Variants in AP1S3 observed in about 807,000 individuals in gnomAD.
The protein encoded by AP1S3 is AP-1 complex subunit sigma-3.
A neutral mutation model predicts 20.9 loss-of-function variants in AP1S3; 10 were observed. The observed-to-expected ratio is 0.48, with a 90% CI of 0.29 to 0.81. The LOEUF is 0.81. AP1S3 is among the 30% of genes least tolerant of loss of function. AP1S3 has a pLI of 0.08. For missense variants in AP1S3, 154 were observed against 183.8 expected, an observed-to-expected ratio of 0.84 and a Z score of 0.94; for synonymous variants, 41 against 61.5, an observed-to-expected ratio of 0.67 and a Z score of 1.56.
chr2:223,836,146 C>T (rs1331277146), intron 1 of AP1S3, among the ~76,000 whole-genome samples: 1 of 152,166 alleles, frequency 6.6e-6, no homozygotes, highest in Non-Finnish European at 1.5e-5. Context: ...CTTTCTTAGC[C>T]CACGTGGCCC....
chr2:223,794,829 C>T (rs1408476849), intron 1 of AP1S3, among the ~76,000 whole-genome samples: 1 of 152,186 alleles, frequency 6.6e-6, no homozygotes, highest in Non-Finnish European at 1.5e-5. Context: ...GAACCCCCAT[C>T]CGAGGGGCTT....
chr2:223,796,681 G>A lies in AP1S3; in HGVS notation c.4-18812C>T, dbSNP rs576748532. On this transcript the variant is annotated intron_variant, in intron 1 of 4. Coordinates refer to ENST00000396654, the MANE Select transcript of AP1S3 (RefSeq NM_001039569.2). Reference sequence around the variant, plus strand: ...CTTCTAGCATCCTTTTTCTTTTCTCGAGATGGAGTTTCATTCTTGTCACCT... The same window carrying A: ...CTTCTAGCATCCTTTTTCTTTTCTCAAGATGGAGTTTCATTCTTGTCACCT... Among the ~76,000 whole-genome samples the A allele has an allele frequency of 7.2e-5, 11 of 151,862 alleles. No individual in the cohort carries two copies. The South Asian group carries it at 1.5e-3, about 20-fold the overall frequency.
At chr2:223,832,135 C>CTCTCTGTG (rs1327430961) in intron 1 of AP1S3, among the ~76,000 whole-genome samples, 27 of 70,782 alleles carry the variant, frequency 3.8e-4, no homozygotes, top group African/African-American at 1.0e-3. Flanking sequence ...AGTTTTCTCT[C>CTCTCTGTG]TGTGTGTGTG....
chr2:223,757,869 G>C lies in AP1S3; in HGVS notation c.*846C>G. On this transcript the variant is annotated 3_prime_UTR_variant, in exon 5 of 5. Coordinates refer to ENST00000396654, the MANE Select transcript of AP1S3 (RefSeq NM_001039569.2). ...AATGAAATTTCCAGCATCTAAGAGTGCTTGGAACGTGAATTTTAAAAAATA... is the reference window on the plus strand; with the variant it reads ...AATGAAATTTCCAGCATCTAAGAGTCCTTGGAACGTGAATTTTAAAAAATA... 3.0e-6 allele frequency: 3 copies of C among 984,876 alleles called. No individual in the cohort carries two copies. The highest frequency in any genetic ancestry group is 3.6e-6 in the Non-Finnish European group (3 of 829,502). 61.0% of individuals were successfully genotyped at this position (984,876 alleles called of 1,614,324 possible). A position where few individuals can be genotyped will look rare whatever the true frequency, so the allele number is the denominator to read the frequency against.
At chr2:223,816,854 G>A (rs1324453680) in intron 1 of AP1S3, among the ~76,000 whole-genome samples, 3 of 152,228 alleles carry the variant, frequency 2.0e-5, no homozygotes, top group Non-Finnish European at 2.9e-5. Flanking sequence ...CAGTCTAGGT[G>A]CAGTGGCTCA....
chr2:223,819,518 T>C (rs1320281912), intron 1 of AP1S3, among the ~76,000 whole-genome samples: 1 of 151,834 alleles, frequency 6.6e-6, no homozygotes. Flanking sequence ...CATAAATAAC[T>C]GGCAGTTGGC....
chr2:223,800,726 C>A (rs1691448988), intron 1 of AP1S3, among the ~76,000 whole-genome samples: 1 of 152,168 alleles, frequency 6.6e-6, no homozygotes, highest in African/African-American at 2.4e-5. Context: ...CTACAATTAA[C>A]ATTATACTTA....
intron 4 of AP1S3, among the ~76,000 whole-genome samples, chr2:223,763,276 T>C (rs1026920673): frequency 2.0e-5 from 3 of 152,230 alleles, no homozygotes; most frequent in African/African-American, 7.2e-5. Context: ...GAGCTCACTC[T>C]TGAAACACTT....
Position 223,777,841 on chromosome 2 carries a change from T to C in AP1S3, c.32A>G (p.Gln11Arg). Residue 11 changes from glutamine (Q) to arginine (R), a missense_variant, in exon 2 of 5, where the codon CAA becomes CGA. Gln to Arg is a conservative substitution (Grantham distance 43). Transcript: ENST00000396654. MIHFILLFSR[Q>R]GKLRLQKWYI... Reference sequence around the variant, plus strand: ...CCATTTCTGTAGCCGTAATTTCCCTTGTCGACTGAAGAGCAATATGAAATG... The same window carrying C: ...CCATTTCTGTAGCCGTAATTTCCCTCGTCGACTGAAGAGCAATATGAAATG... The C allele has an allele frequency of 1.2e-6, 2 of 1,613,906 alleles. No homozygotes were observed. The highest frequency in any genetic ancestry group is 1.7e-6 in the Non-Finnish European group (2 of 1,179,984).
chr2:223,797,693 G>T (rs1272245459), intron 1 of AP1S3, among the ~76,000 whole-genome samples: 1 of 152,122 alleles, frequency 6.6e-6, no homozygotes, highest in Non-Finnish European at 1.5e-5. Flanking sequence ...TTGAACCCGG[G>T]GGGCAGGGGT....
chr2:223,798,543 G>T (rs752403699), intron 1 of AP1S3, among the ~76,000 whole-genome samples: 2 of 152,202 alleles, frequency 1.3e-5, no homozygotes, highest in Non-Finnish European at 1.5e-5. Context: ...AGCCACTTAC[G>T]TGAAATGTGA....
In AP1S3 at chr2:223,796,301, CCATTATTTATTT is replaced by C. The variant is rs1691334956; in HGVS notation, c.4-18444_4-18433del. ...CATTCAGAATCATCCCATTACTACCCCATTATTTATTTCACTAACAGTTTCCATGTTCTGATG... is the reference window on the plus strand; with the variant it reads ...CATTCAGAATCATCCCATTACTACCCCACTAACAGTTTCCATGTTCTGATG... On this transcript the variant is annotated intron_variant, in intron 1 of 4. Transcript: ENST00000396654. Among the ~76,000 whole-genome samples, 4 of 152,316 alleles carry C rather than the reference CCATTATTTATTT, an allele frequency of 2.6e-5. No individual in the cohort carries two copies. The South Asian group carries it at 8.3e-4, about 32-fold the overall frequency.
At chr2:223,799,558 T>C (rs1390720034) in intron 1 of AP1S3, among the ~76,000 whole-genome samples, 3 of 152,236 alleles carry the variant, frequency 2.0e-5, no homozygotes, top group Non-Finnish European at 4.4e-5. Flanking sequence ...TCACTGTTGT[T>C]TTCTATCTCA....
At chr2:223,820,389 T>C (rs999730166) in intron 1 of AP1S3, among the ~76,000 whole-genome samples, 1 of 152,192 alleles carries the variant, frequency 6.6e-6, no homozygotes, top group Non-Finnish European at 1.5e-5. Context: ...ATATTTTTTT[T>C]CAAAATGTCG....
intron 3 of AP1S3, among the ~76,000 whole-genome samples, chr2:223,766,468 A>T (rs1038535914): frequency 6.6e-6 from 1 of 152,216 alleles, no homozygotes; most frequent in African/African-American, 2.4e-5. Flanking sequence ...TTTTGTCACT[A>T]GTCATTAGAA....
At chr2:223,760,215 C>A (rs1690319857) in intron 4 of AP1S3, among the ~76,000 whole-genome samples, 1 of 152,132 alleles carries the variant, frequency 6.6e-6, no homozygotes, top group Non-Finnish European at 1.5e-5. Context: ...CAAAAAATCA[C>A]CTGCCTCTTT....
intron 1 of AP1S3, among the ~76,000 whole-genome samples, chr2:223,798,069 T>G (rs1006263026): frequency 2.6e-5 from 4 of 152,244 alleles, no homozygotes; most frequent in African/African-American, 9.6e-5. Flanking sequence ...AGTCTCTCAT[T>G]TACATATATA....
intron 1 of AP1S3, among the ~76,000 whole-genome samples, chr2:223,798,442 AAC>A (rs1178892458): frequency 2.0e-5 from 3 of 152,268 alleles, no homozygotes; most frequent in Non-Finnish European, 4.4e-5. Flanking sequence ...AAAATGGAAT[AAC>A]ACAGAAACAA....
chr2:223,820,476 C>T (rs1018252977), intron 1 of AP1S3, among the ~76,000 whole-genome samples: 49 of 151,666 alleles, frequency 3.2e-4, no homozygotes, highest in Middle Eastern at 3.4e-3. Context: ...AGAAAATGAA[C>T]ATAAAACTTT....
Sources: gnomAD v4.1 joint callset for allele counts (sites outside exome capture counted in the v4.1 genomes callset) on GRCh38, gnomAD v4.1.1 for gene constraint, MANE v1.5 for transcripts, NCBI Gene and HGNC (gene_info 2026-07-23, HGNC 2026-07-21) for gene names.